Variants in EYA4 observed in about 807,000 individuals in gnomAD.
EYA4 encodes the protein EYA transcriptional coactivator and phosphatase 4.
Under a neutral mutation model 87.9 loss-of-function variants are expected in EYA4, and 31 were observed. The observed-to-expected ratio is 0.35, with a 90% CI of 0.27 to 0.48. The LOEUF is 0.48. Ranked by LOEUF, EYA4 falls within the 20% of genes least tolerant of loss-of-function variation. EYA4 has a pLI of 0.99. For synonymous variants in EYA4, 263 were observed against 270.6 expected (o/e 0.97, Z 0.28); for missense variants, 678 against 761.4 (o/e 0.89, Z 1.29).
At chr6:133,351,532 A>G (rs967893053) in intron 2 of EYA4, among the ~76,000 whole-genome samples, 1 of 152,198 alleles carries the variant, frequency 6.6e-6, no homozygotes, top group Non-Finnish European at 1.5e-5. Context: ...TGACTGCTTA[A>G]CTGAGGATAC....
At chr6:133,504,710 A>T (rs3777884) in intron 13 of EYA4, among the ~76,000 whole-genome samples, 1 of 152,008 alleles carries the variant, frequency 6.6e-6, no homozygotes, top group African/African-American at 2.4e-5. Flanking sequence ...AATAAAATGG[A>T]TTATCATAGT....
At chr6:133,270,123 C>G (rs901510104) in intron 1 of EYA4, among the ~76,000 whole-genome samples, 1 of 152,192 alleles carries the variant, frequency 6.6e-6, no homozygotes, top group Non-Finnish European at 1.5e-5. Context: ...AAATGTTAAT[C>G]TGTTTTGGCA....
intron 2 of EYA4, among the ~76,000 whole-genome samples, chr6:133,304,360 CTG>C: frequency 6.6e-6 from 1 of 152,260 alleles, no homozygotes; most frequent in East Asian, 1.9e-4. Flanking sequence ...GCACCCCACT[CTG>C]TTTCAGGAAG....
At chr6:133,328,714 C>CAA (rs142399759) in intron 2 of EYA4, among the ~76,000 whole-genome samples, 2 of 151,578 alleles carry the variant, frequency 1.3e-5, no homozygotes, top group Admixed American at 6.6e-5. Flanking sequence ...AACAAACAAA[C>CAA]AAAAAAACCA....
intron 1 of EYA4, among the ~76,000 whole-genome samples, chr6:133,245,827 G>A (rs1370463758): frequency 6.6e-6 from 1 of 152,180 alleles, no homozygotes. Context: ...TTGCTTTTAA[G>A]AGGTTTGAAG....
At position 133,299,941 on chromosome 6, in the gene EYA4, ATC is replaced by A. The variant is rs1213664225; in HGVS notation, c.33+25130_33+25131del. On this transcript the variant is annotated intron_variant, in intron 2 of 19. Coordinates refer to ENST00000355286, the MANE Select transcript of EYA4 (RefSeq NM_004100.5). ...TATAAAGATCTCTATCTATCTATCT[ATC>A]TATCTATCTATCTATATATATATAT... is the stretch of plus-strand genomic sequence containing the variant. Among the ~76,000 whole-genome samples, 1,025 of 136,328 alleles carry A rather than the reference ATC, an allele frequency of 7.5e-3. 13 individuals are homozygous for A. The highest frequency in any genetic ancestry group is 8.5e-3 in the Non-Finnish European group (544 of 63,790). The allele number at this position is 136,328 out of a possible 152,430, so 89.4% of individuals were successfully genotyped here.
intron 2 of EYA4, among the ~76,000 whole-genome samples, chr6:133,328,771 A>G (rs1282880023): frequency 6.6e-6 from 1 of 152,168 alleles, no homozygotes; most frequent in Admixed American, 6.5e-5. Flanking sequence ...CAATATTGAT[A>G]AATTTTTAAA....
At chr6:133,242,341 T>C (rs1240388044) in intron 1 of EYA4, among the ~76,000 whole-genome samples, 2 of 152,186 alleles carry the variant, frequency 1.3e-5, no homozygotes, top group Admixed American at 6.5e-5. Context: ...GCGATCCCAC[T>C]TTAATAGTTT....
At chr6:133,478,580 G>C (rs1038352157) in intron 11 of EYA4, among the ~76,000 whole-genome samples, 1 of 152,038 alleles carries the variant, frequency 6.6e-6, no homozygotes, top group African/African-American at 2.4e-5. Context: ...AATTTTTAAA[G>C]AACAGTGCAT....
chr6:133,389,236 T>C (rs977350020), intron 3 of EYA4, among the ~76,000 whole-genome samples: 2 of 152,174 alleles, frequency 1.3e-5, no homozygotes, highest in Non-Finnish European at 2.9e-5. Flanking sequence ...AAAGGAGAGA[T>C]TGCTAGGGAC....
chr6:133,434,055 G>C (rs1352044824), intron 3 of EYA4, among the ~76,000 whole-genome samples: 1 of 152,198 alleles, frequency 6.6e-6, no homozygotes, highest in Admixed American at 6.5e-5. Flanking sequence ...TGACTATGGG[G>C]ACCACTGTTA....
At chr6:133,254,271 T>C (rs1329958744) in intron 1 of EYA4, among the ~76,000 whole-genome samples, 1 of 152,186 alleles carries the variant, frequency 6.6e-6, no homozygotes, top group Non-Finnish European at 1.5e-5. Flanking sequence ...ATCGATTTCA[T>C]GTTATTTTGA....
chr6:133,272,076 T>C (rs1223072151), intron 1 of EYA4, among the ~76,000 whole-genome samples: 1 of 152,228 alleles, frequency 6.6e-6, no homozygotes, highest in Non-Finnish European at 1.5e-5. Flanking sequence ...TTCTCCTTCA[T>C]GCAAAGTGCA....
At position 133,285,057 on chromosome 6, in the gene EYA4, CGCGA is replaced by C. The variant is rs1444540595; in HGVS notation, c.33+10247_33+10250del. 5.2e-3 allele frequency among the ~76,000 whole-genome samples: 788 copies of C among 151,448 alleles called. 13 individuals carry two copies. Among genetic ancestry groups the C allele is most frequent in the Admixed American group, 0.033 (509 of 15,214 alleles). ...TGTCCCCCAAGCTGGAGTGCAGTGGCGCGAGCTCGGCTCACTGCAAGCTCCACCT... is the reference window on the plus strand; with the variant it reads ...TGTCCCCCAAGCTGGAGTGCAGTGGCGCTCGGCTCACTGCAAGCTCCACCT... On this transcript the variant is annotated intron_variant, in intron 2 of 19. Coordinates refer to ENST00000355286, the MANE Select transcript of EYA4 (RefSeq NM_004100.5).
chr6:133,247,975 G>A (rs969545862), intron 1 of EYA4: 2 of 152,166 alleles, frequency 1.3e-5, no homozygotes, highest in African/African-American at 2.4e-5. Flanking sequence ...ATCTCCCAGT[G>A]TGACATATCA....
intron 2 of EYA4, among the ~76,000 whole-genome samples, chr6:133,298,841 TC>T (rs1319466672): frequency 2.6e-5 from 4 of 152,234 alleles, no homozygotes; most frequent in Non-Finnish European, 4.4e-5. Context: ...ATGCGGTTCA[TC>T]CTGATAAATG....
chr6:133,454,030 T>A (rs1793693260), intron 5 of EYA4, among the ~76,000 whole-genome samples: 1 of 152,156 alleles, frequency 6.6e-6, no homozygotes, highest in South Asian at 2.1e-4. Flanking sequence ...TCAAAATCAA[T>A]ACTAAGCTTT....
chr6:133,462,382 C>A lies in EYA4; in HGVS notation c.485C>A (p.Ala162Asp), dbSNP rs745782248. The A allele has an allele frequency of 1.2e-5, 20 of 1,613,876 alleles. No individual in the cohort carries two copies. In the South Asian group the frequency reaches 2.2e-4, roughly 18 times the overall value. ...LSTPAAQTMS[A>D]YAGQTQYSGM... ...ACACCAGCAGCTCAAACAATGTCTG[C>A]CTATGCAGGCCAGACTCAGTATTCG... is the stretch of plus-strand genomic sequence containing the variant. Residue 162 changes from alanine to aspartate, a missense_variant, in exon 8 of 20, where the codon GCC becomes GAC. Transcript: ENST00000355286.
At chr6:133,523,857 C>T (rs1225158094) in intron 18 of EYA4, among the ~76,000 whole-genome samples, 3 of 152,080 alleles carry the variant, frequency 2.0e-5, no homozygotes, top group Non-Finnish European at 4.4e-5. Flanking sequence ...CACTGTCTGT[C>T]AAGGAAATAC....
Sources: allele counts gnomAD v4.1 joint callset (sites outside exome capture counted in the v4.1 genomes callset), GRCh38; gene constraint gnomAD v4.1.1; transcripts MANE v1.5; gene names NCBI Gene and HGNC (gene_info 2026-07-23, HGNC 2026-07-21).